The following ZC3H12D variants were observed in gnomAD, a reference collection of about 807,000 sequenced individuals.
ZC3H12D encodes zinc finger CCCH-type containing 12D, also known as probable ribonuclease ZC3H12D.
In ZC3H12D, 11 loss-of-function variants were observed where a neutral mutation model predicts 24.2. The ratio of observed to expected loss-of-function variants is 0.46; its 90% CI spans 0.29 to 0.75. The LOEUF is 0.75. Among genes scored for constraint, ZC3H12D ranks in the 30% least tolerant of loss-of-function variants. The probability of loss-of-function intolerance (pLI) is 0.11; values close to 1 mark genes in which losing one functional copy is unlikely to be tolerated. For missense variants in ZC3H12D, 740 were observed against 767.7 expected, an observed-to-expected ratio of 0.96 and a Z score of 0.43; for synonymous variants, 333 against 341.8, an observed-to-expected ratio of 0.97 and a Z score of 0.28.
At chr6:149,457,111 C>G (rs1775997330) in intron 3 of ZC3H12D, among the ~76,000 whole-genome samples, 1 of 152,220 alleles carries the variant, frequency 6.6e-6, no homozygotes. Flanking sequence ...CAGGCAGGCG[C>G]GTGGCTTCCG....
chr6:149,477,526 T>G (rs1487611182), intron 1 of ZC3H12D, among the ~76,000 whole-genome samples: 1 of 152,246 alleles, frequency 6.6e-6, no homozygotes, highest in Non-Finnish European at 1.5e-5. Context: ...GACTGCCCTT[T>G]CTTGAAACTA....
Position 149,461,878 on chromosome 6 carries a change from AC to A in ZC3H12D, c.397del (p.Val133PhefsTer52). 1 of 1,593,536 alleles carries A rather than the reference AC, an allele frequency of 6.3e-7. No homozygotes were observed. The highest frequency in any genetic ancestry group is 1.3e-5 in the African/African-American group (1 of 74,684). ...DRGHTYIKVF[V>X]PSWRKDPPRA... is the part of the protein sequence containing the mutation. Reference sequence around the variant, plus strand: ...TGGTGGGTCCTTCCTCCAGGATGGAACAAAAACTTTGATGTAGGTGTGTCCT... The same window carrying A: ...TGGTGGGTCCTTCCTCCAGGATGGAAAAAAACTTTGATGTAGGTGTGTCCT... On this transcript the variant is annotated frameshift_variant, in exon 3 of 6. Transcript: ENST00000409806. LOFTEE classifies it high-confidence loss of function.
At chr6:149,464,527 A>G (rs1776121513) in intron 2 of ZC3H12D, among the ~76,000 whole-genome samples, 1 of 152,024 alleles carries the variant, frequency 6.6e-6, no homozygotes, top group Non-Finnish European at 1.5e-5. Flanking sequence ...GATCCCTCTC[A>G]CGAGCTCTCA....
intron 2 of ZC3H12D, among the ~76,000 whole-genome samples, chr6:149,465,632 G>T (rs1227013975): frequency 6.6e-6 from 1 of 151,962 alleles, no homozygotes; most frequent in Non-Finnish European, 1.5e-5. Context: ...GCATGCACAT[G>T]TAGTTCCAGC....
Position 149,461,834 on chromosome 6 carries a change from T to C in ZC3H12D, c.442A>G (p.Arg148Gly), listed in dbSNP as rs781620329. ...KDPPRADTPI[R>G]EQHVLAELER... ...GCATACATCTGCTCCAGCATACCTC[T>C]GATAGGGGTGTCAGCTCTTGGTGGG... The change falls in exon 3 of 6, where the codon AGA becomes GGA. Residue 148 changes from arginine (R) to glycine (G), a missense_variant. Physicochemically the swap from Arg to Gly is moderately radical, Grantham distance 125. Transcript: ENST00000409806. 6 of 1,558,542 alleles carry C rather than the reference T, an allele frequency of 3.8e-6. No individual in the cohort carries two copies. In the Admixed American group the frequency reaches 1.2e-4, roughly 30 times the overall value.
Position 149,451,100 on chromosome 6 carries a change from G to A in ZC3H12D, c.1167C>T (p.Leu389=). ...ACTGGCTCTCCGGGCTAGGGAGGCTGAGCGGGCCTGGCACCCGGCCGCCCG... is the reference window on the plus strand; with the variant it reads ...ACTGGCTCTCCGGGCTAGGGAGGCTAAGCGGGCCTGGCACCCGGCCGCCCG... ...VSAGGRVPGP[L]SLPSPESQFS... The change falls in exon 6 of 6, where the codon CTC becomes CTT. Residue 389 remains leucine, a synonymous_variant. Transcript: ENST00000409806. The A allele has an allele frequency of 7.3e-7, 1 of 1,370,150 alleles. No homozygotes were observed. The allele number at this position is 1,370,150 out of a possible 1,614,324, so 84.9% of individuals were successfully genotyped here.
intron 1 of ZC3H12D, among the ~76,000 whole-genome samples, chr6:149,479,459 T>G (rs1776390369): frequency 6.6e-6 from 1 of 152,228 alleles, no homozygotes; most frequent in South Asian, 2.1e-4. Flanking sequence ...AAGCCTCTTT[T>G]TGTCTTGGAA....
chr6:149,484,690 A>G (rs1380796832), intron 1 of ZC3H12D, 123 bp downstream of exon 1: 4 of 152,668 alleles, frequency 2.6e-5, no homozygotes, highest in Admixed American at 2.0e-4. Flanking sequence ...GCCCCCAAGG[A>G]CTGCTCTCTA....
chr6:149,452,494 G>T lies in ZC3H12D; in HGVS notation c.787+122C>A. ...TAACTCTCCAGGTAGCACAGCTGGA[G>T]GGCAGAACTTGGGCAAGAGCCCAGG... On this transcript the variant is annotated intron_variant, in intron 5 of 5. Transcript: ENST00000409806. The surrounding 1 kb of genome is among the most constrained non-coding windows in gnomAD (Gnocchi z 4.0). 1.3e-6 allele frequency: 1 copy of T among 754,276 alleles called. No homozygotes were observed. Among genetic ancestry groups the T allele is most frequent in the South Asian group, 2.2e-5 (1 of 45,902 alleles). 46.7% of individuals were successfully genotyped at this position (754,276 alleles called of 1,614,324 possible). A position where few individuals can be genotyped will look rare whatever the true frequency, so the allele number is the denominator to read the frequency against.
At chr6:149,484,298 C>T (rs186584307) in intron 1 of ZC3H12D, among the ~76,000 whole-genome samples, 2 of 152,312 alleles carry the variant, frequency 1.3e-5, no homozygotes, top group African/African-American at 4.8e-5. Context: ...GGGAAGCCCA[C>T]AGAGGCATCC....
chr6:149,465,444 G>A (rs1385462324), intron 2 of ZC3H12D, among the ~76,000 whole-genome samples: 3 of 151,744 alleles, frequency 2.0e-5, no homozygotes, highest in Non-Finnish European at 4.4e-5. Flanking sequence ...AATATCAACA[G>A]GGATATCTGT....
In ZC3H12D at chr6:149,447,308, T is replaced by G. The variant is rs1166092334; in HGVS notation, c.*3375A>C. The G allele has an allele frequency of 6.6e-6, 1 of 152,220 alleles. No individual in the cohort carries two copies. The highest frequency in any genetic ancestry group is 1.9e-4 in the East Asian group (1 of 5,202). The allele number at this position is 152,220 out of a possible 1,614,324, so 9.4% of individuals were successfully genotyped here. A position where few individuals can be genotyped will look rare whatever the true frequency, so the allele number is the denominator to read the frequency against. On this transcript the variant is annotated 3_prime_UTR_variant, in exon 6 of 6. Coordinates refer to ENST00000409806, the MANE Select transcript of ZC3H12D (RefSeq NM_207360.3). The stretch of plus-strand genomic sequence containing the variant: ...GCTCAGGCTGGAGTGCAGAGCGCAG[T>G]GGCACAGTCTCAGCTCACTACAACC...
At position 149,456,178 on chromosome 6, in the gene ZC3H12D, G is replaced by A. The variant is rs2115002736; in HGVS notation, c.680+488C>T. 6.6e-6 allele frequency among the ~76,000 whole-genome samples: 1 copy of A among 151,958 alleles called. No individual in the cohort carries two copies. Among genetic ancestry groups the A allele is most frequent in the African/African-American group, 2.4e-5 (1 of 41,416 alleles). On this transcript the variant is annotated intron_variant, in intron 4 of 5. Coordinates refer to ENST00000409806, the MANE Select transcript of ZC3H12D (RefSeq NM_207360.3). The surrounding 1 kb of genome is among the most constrained non-coding windows in gnomAD (Gnocchi z 4.3). Reference sequence around the variant, plus strand: ...GAGGCAGGAGAATTGCTTGAACCTGGGAGGCAGAGTTTGCAGTGAGCCAAG... The same window carrying A: ...GAGGCAGGAGAATTGCTTGAACCTGAGAGGCAGAGTTTGCAGTGAGCCAAG...
intron 3 of ZC3H12D, among the ~76,000 whole-genome samples, chr6:149,458,111 C>CTCGTTTCTTTTTTTT (rs1246641761): frequency 2.5e-5 from 2 of 80,236 alleles, no homozygotes; most frequent in African/African-American, 9.2e-5. Context: ...CTTTCTTTTT[C>CTCGTTTCTTTTTTTT]TTTTTTTTTT....
At chr6:149,471,381 G>A (rs1776241272) in intron 2 of ZC3H12D, among the ~76,000 whole-genome samples, 1 of 152,256 alleles carries the variant, frequency 6.6e-6, no homozygotes, top group African/African-American at 2.4e-5. Context: ...CTGTGTAACT[G>A]AGAGGGTCAG....
chr6:149,454,736 GCCAGAGATGGCCATGTCC>G (rs1220188277), intron 4 of ZC3H12D, among the ~76,000 whole-genome samples: 1 of 152,250 alleles, frequency 6.6e-6, no homozygotes, highest in Non-Finnish European at 1.5e-5. Flanking sequence ...CTGTCATCAG[GCCAGAGATGGCCATGTCC>G]CTGAGAGCTC....
chr6:149,467,495 C>A (rs1307336167), intron 2 of ZC3H12D, among the ~76,000 whole-genome samples: 1 of 152,180 alleles, frequency 6.6e-6, no homozygotes, highest in Non-Finnish European at 1.5e-5. Context: ...CCCAGGTGAT[C>A]CTCCCATGTT....
intron 2 of ZC3H12D, among the ~76,000 whole-genome samples, chr6:149,471,637 T>C (rs1012490526): frequency 2.6e-5 from 4 of 152,260 alleles, no homozygotes; most frequent in Non-Finnish European, 5.9e-5. Context: ...CCACATTGTG[T>C]ATATCATTTC....
rs1001710618 is a variant in ZC3H12D, at chr6:149,474,399, C to G, written c.145G>C (p.Ala49Pro). The G allele has an allele frequency of 6.2e-7, 1 of 1,608,344 alleles. No individual in the cohort carries two copies. The highest frequency in any genetic ancestry group is 8.5e-7 in the Non-Finnish European group (1 of 1,175,736). The change falls in exon 2 of 6, where the codon GCC becomes CCC. Residue 49 changes from alanine (A) to proline (P), a missense_variant. Transcript: ENST00000409806. ...ELIRTGSRPG[A>P]LEHPAAPRLV... is the part of the protein sequence containing the mutation. ...CTGGGTGCAGCCGGGTGCTCCAGGG[C>G]ACCCGGGCGGCTGCCCGTGCGGATA...
Sources: allele counts gnomAD v4.1 joint callset (sites outside exome capture counted in the v4.1 genomes callset), GRCh38; gene constraint gnomAD v4.1.1; non-coding constraint Gnocchi (gnomAD v3.1); transcripts MANE v1.5; gene names NCBI Gene and HGNC (gene_info 2026-07-23, HGNC 2026-07-21).